LCA5: variants seen among roughly 807,000 people sequenced by gnomAD.
LCA5 encodes lebercilin.
In LCA5, 37 loss-of-function variants were observed where a neutral mutation model predicts 53.0. The ratio of observed to expected loss-of-function variants is 0.70; its 90% confidence interval spans 0.54 to 0.92. LCA5 has a LOEUF of 0.92. Ranked by LOEUF, LCA5 falls within the 40% of genes least tolerant of loss-of-function variation. The pLI is 0.00. For synonymous variants in LCA5, 303 were observed against 282.9 expected (o/e 1.07, Z -0.71); for missense variants, 806 against 790.5 (o/e 1.02, Z -0.23).
chr6:79,526,141 C>T (rs1766780131), intron 1 of LCA5, among the ~76,000 whole-genome samples: 1 of 152,200 alleles, frequency 6.6e-6, no homozygotes, highest in Non-Finnish European at 1.5e-5. Context: ...ATGCCCAAAG[C>T]AGGAAAACTA....
rs562552500 is a variant in LCA5 at position 79,512,419 on chromosome 6, T to C, written c.720+793A>G. 4.8e-5 allele frequency among the ~76,000 whole-genome samples: 7 copies of C among 146,938 alleles called. No homozygotes were observed. In the East Asian group the frequency reaches 1.4e-3, roughly 28 times the overall value. On this transcript the variant is annotated intron_variant, in intron 3 of 7. Transcript: ENST00000369846. ...GCACTGGTATAATGGGCATGGCATA[T>C]TATATAGAGTAAGTACCACAACATG...
At chr6:79,501,030 T>C (rs1770124257) in intron 3 of LCA5, among the ~76,000 whole-genome samples, 1 of 152,192 alleles carries the variant, frequency 6.6e-6, no homozygotes, top group South Asian at 2.1e-4. Context: ...TGGGTTAACT[T>C]CTTCCCTTCT....
At chr6:79,512,654 T>C (rs1043223488) in intron 3 of LCA5, among the ~76,000 whole-genome samples, 1 of 152,072 alleles carries the variant, frequency 6.6e-6, no homozygotes, top group Non-Finnish European at 1.5e-5. Flanking sequence ...CTGACTGCCC[T>C]GTGTAAAAAT....
At chr6:79,518,379 C>T (rs1766508883) in intron 2 of LCA5, among the ~76,000 whole-genome samples, 1 of 152,186 alleles carries the variant, frequency 6.6e-6, no homozygotes, top group South Asian at 2.1e-4. Flanking sequence ...CAAAAAGGTA[C>T]ATATGATTTA....
intron 3 of LCA5, among the ~76,000 whole-genome samples, chr6:79,495,173 G>C (rs1036446803): frequency 1.3e-5 from 2 of 152,126 alleles, no homozygotes; most frequent in African/African-American, 4.8e-5. Context: ...TGCCTGCGAG[G>C]GTTCTAAGTT....
At chr6:79,502,854 A>G (rs1431526685) in intron 3 of LCA5, among the ~76,000 whole-genome samples, 1 of 152,034 alleles carries the variant, frequency 6.6e-6, no homozygotes, top group Admixed American at 6.6e-5. Context: ...ATGAGCTTCT[A>G]GTGACCTATA....
chr6:79,530,746 G>C (rs1766935464), intron 1 of LCA5, among the ~76,000 whole-genome samples: 1 of 152,054 alleles, frequency 6.6e-6, no homozygotes, highest in Non-Finnish European at 1.5e-5. Context: ...AAATTCACTT[G>C]TAAAAAATTA....
At chr6:79,504,971 T>G (rs1043648358) in intron 3 of LCA5, among the ~76,000 whole-genome samples, 6 of 152,156 alleles carry the variant, frequency 3.9e-5, no homozygotes, top group Non-Finnish European at 5.9e-5. Context: ...TATATAGATA[T>G]GAGATTGCAC....
At position 79,489,144 on chromosome 6, in the gene LCA5, T is replaced by C. The variant is rs765473119; in HGVS notation, c.1171A>G (p.Lys391Glu). 24 of 1,613,168 alleles carry C rather than the reference T, an allele frequency of 1.5e-5. No homozygotes were observed. The South Asian group carries it at 2.5e-4, about 17-fold the overall frequency. The change falls in exon 7 of 8, where the codon AAA (lysine) becomes GAA (glutamate). Residue 391 changes from lysine (K) to glutamate (E), a missense_variant. By Grantham distance (56) the Lys-to-Glu change is moderately conservative. Coordinates refer to ENST00000369846, the MANE Select transcript of LCA5 (RefSeq NM_001122769.3). Reference protein sequence around the residue: ...ILNPIMEREEKFVTDEELHVV... With the variant: ...ILNPIMEREEEFVTDEELHVV... ...TGGAGTTCTTCATCTGTAACAAATTTTTCTTCTCTTTCCATAATTGGGTTT... is the reference window on the plus strand; with the variant it reads ...TGGAGTTCTTCATCTGTAACAAATTCTTCTTCTCTTTCCATAATTGGGTTT...
chr6:79,513,749 A>G lies in LCA5; in HGVS notation c.191-8T>C, dbSNP rs1562106889. 6.2e-7 allele frequency: 1 copy of G among 1,612,966 alleles called. No individual in the cohort carries two copies. Among genetic ancestry groups the G allele is most frequent in the Non-Finnish European group, 8.5e-7 (1 of 1,179,254 alleles). On this transcript the variant is annotated splice_polypyrimidine_tract_variant and splice_region_variant and intron_variant, in intron 2 of 7. Coordinates refer to ENST00000369846, the MANE Select transcript of LCA5 (RefSeq NM_001122769.3). ...GGCTTGGTTTCCGAGGGGCTAAAAA[A>G]GAAACAGGAATAATGTAAAGTGAAA...
intron 3 of LCA5, among the ~76,000 whole-genome samples, chr6:79,496,312 A>C (rs1769983053): frequency 6.6e-6 from 1 of 152,186 alleles, no homozygotes; most frequent in Non-Finnish European, 1.5e-5. Context: ...CATTCATTCC[A>C]CACTTAGGTC....
chr6:79,489,575 A>C (rs1769779702), intron 6 of LCA5, among the ~76,000 whole-genome samples: 2 of 152,162 alleles, frequency 1.3e-5, no homozygotes, highest in African/African-American at 4.8e-5. Flanking sequence ...ACTATTCGCC[A>C]ACTATGTGCA....
upstream of LCA5, among the ~76,000 whole-genome samples, chr6:79,538,163 C>T (rs1325398206): frequency 6.7e-6 from 1 of 149,992 alleles, no homozygotes; most frequent in Non-Finnish European, 1.5e-5. Flanking sequence ...AAAAAAAATC[C>T]TCTTTCGTGA....
At chr6:79,519,971 G>A (rs1365765369) in intron 1 of LCA5, among the ~76,000 whole-genome samples, 5 of 151,890 alleles carry the variant, frequency 3.3e-5, no homozygotes, top group Admixed American at 1.3e-4. Context: ...AAGATTTTTC[G>A]AAATAATAAC....
At chr6:79,536,636 T>C (rs896202087) in intron 1 of LCA5, among the ~76,000 whole-genome samples, 3 of 152,216 alleles carry the variant, frequency 2.0e-5, no homozygotes, top group Non-Finnish European at 4.4e-5. Context: ...TATAGAAGTA[T>C]CACAGCCTGG....
chr6:79,497,422 A>G (rs1770010216), intron 3 of LCA5, among the ~76,000 whole-genome samples: 1 of 152,232 alleles, frequency 6.6e-6, no homozygotes. Flanking sequence ...AAGGAAAATA[A>G]TATCACCTAT....
rs374135825 is a variant in LCA5 at position 79,518,785 on chromosome 6, G to A, written c.110C>T (p.Ser37Leu). The A allele has an allele frequency of 2.9e-5, 46 of 1,614,014 alleles. 1 individual carries two copies. Among genetic ancestry groups the A allele is most frequent in the East Asian group, 6.7e-5 (3 of 44,888 alleles). The change falls in exon 2 of 8, where the codon TCG becomes TTG. Residue 37 changes from serine (S) to leucine (L), a missense_variant. By Grantham distance (145) the Ser-to-Leu change is moderately radical. Coordinates refer to ENST00000369846, the MANE Select transcript of LCA5 (RefSeq NM_001122769.3). Reference sequence around the variant, plus strand: ...ACTTGCAGGTGAAGAACTGACCAGCGATGATCGGCCAGAAGACTGTGGCGT... The same window carrying A: ...ACTTGCAGGTGAAGAACTGACCAGCAATGATCGGCCAGAAGACTGTGGCGT... ...FETPQSSGRS[S>L]LVSSSPASVR...
At chr6:79,491,567 T>C in intron 6 of LCA5, 21 bp downstream of exon 6, 1 of 1,611,926 alleles carries the variant, frequency 6.2e-7, no homozygotes, top group Non-Finnish European at 8.5e-7. Flanking sequence ...GTTTGGTACA[T>C]AACAATACTG....
chr6:79,485,558 C>T lies in LCA5; in HGVS notation c.*1446G>A, dbSNP rs1390565160. The T allele has an allele frequency of 2.0e-5, 3 of 152,138 alleles. No individual in the cohort carries two copies. The highest frequency in any genetic ancestry group is 3.9e-4 in the East Asian group (2 of 5,186). 9.4% of individuals were successfully genotyped at this position (152,138 alleles called of 1,614,324 possible). On this transcript the variant is annotated 3_prime_UTR_variant, in exon 8 of 8. Coordinates refer to ENST00000369846, the MANE Select transcript of LCA5 (RefSeq NM_001122769.3). ...ACAATTTAGAAGATGACAGGTGGTA[C>T]ATCTTTTAATTGGAGACCTAACCAG...
Sources: gnomAD v4.1 joint callset for allele counts (sites outside exome capture counted in the v4.1 genomes callset) on GRCh38, gnomAD v4.1.1 for gene constraint, MANE v1.5 for transcripts, NCBI Gene and HGNC (gene_info 2026-07-23, HGNC 2026-07-21) for gene names.